SUGCT: variants seen among roughly 807,000 people sequenced by gnomAD.
SUGCT encodes succinyl-CoA:glutarate-CoA transferase.
A neutral mutation model predicts 55.0 loss-of-function variants in SUGCT; 41 were observed. That is an observed-to-expected ratio of 0.74 (90% CI 0.58 to 0.97). The LOEUF is 0.97. Among genes scored for constraint, SUGCT ranks in the 50% least tolerant of loss-of-function variants. The probability of loss-of-function intolerance (pLI) is 0.00; values close to 1 mark genes in which losing one functional copy is unlikely to be tolerated. For missense variants in SUGCT, 568 were observed against 547.8 expected (o/e 1.04, Z -0.37); for synonymous variants, 187 against 200.4 (o/e 0.93, Z 0.56).
chr7:40,609,171 A>T lies in SUGCT; in HGVS notation c.1089+112785A>T, dbSNP rs116888415. On this transcript the variant is annotated intron_variant, in intron 12 of 13. Coordinates refer to ENST00000335693, the MANE Select transcript of SUGCT (RefSeq NM_001193313.2). ...TAGTATCCTTATCTGTGAAACAATG[A>T]TAATGGTAGAGTGTACATGATCGGA... is the stretch of plus-strand genomic sequence containing the variant. Among the ~76,000 whole-genome samples the T allele has an allele frequency of 4.2e-4, 64 of 152,292 alleles. No individual in the cohort carries two copies. The East Asian group carries it at 0.011, about 26-fold the overall frequency.
At chr7:41,028,009 A>G in the SUGCT span, among the ~76,000 whole-genome samples, 1 of 152,302 alleles carries the variant, frequency 6.6e-6, no homozygotes, top group Admixed American at 6.5e-5. Context: ...GATTTTCTTC[A>G]TAGATTTTAA....
chr7:40,218,135 C>A (rs560911797), intron 6 of SUGCT, among the ~76,000 whole-genome samples: 22 of 152,248 alleles, frequency 1.4e-4, no homozygotes, highest in Admixed American at 2.6e-4. Flanking sequence ...ATCATTTGAA[C>A]CTGGGAGGCA....
chr7:40,470,664 G>GA (rs1373034894), intron 11 of SUGCT, among the ~76,000 whole-genome samples: 1 of 151,858 alleles, frequency 6.6e-6, no homozygotes, highest in Non-Finnish European at 1.5e-5. Context: ...AGCACTCACG[G>GA]AATAATTGCT....
the SUGCT span, among the ~76,000 whole-genome samples, chr7:40,975,569 G>A: frequency 6.6e-6 from 1 of 152,190 alleles, no homozygotes; most frequent in African/African-American, 2.4e-5. Flanking sequence ...TGATTCTTCA[G>A]TTCTGTGGCC....
At chr7:40,657,196 A>G (rs1584221514) in intron 12 of SUGCT, among the ~76,000 whole-genome samples, 1 of 152,158 alleles carries the variant, frequency 6.6e-6, no homozygotes, top group Non-Finnish European at 1.5e-5. Flanking sequence ...GAAAACAGTT[A>G]TATGTATATA....
At chr7:41,018,323 G>A in the SUGCT span, among the ~76,000 whole-genome samples, 1 of 152,170 alleles carries the variant, frequency 6.6e-6, no homozygotes, top group Non-Finnish European at 1.5e-5. Context: ...GCCAGCCTGA[G>A]ATCATGGTGC....
intron 13 of SUGCT, among the ~76,000 whole-genome samples, chr7:40,840,199 T>C (rs1469752715): frequency 6.6e-6 from 1 of 152,128 alleles, no homozygotes; most frequent in Non-Finnish European, 1.5e-5. Flanking sequence ...TTTGAGCCAC[T>C]TTGTGAACTC....
chr7:40,903,583 C>G, the SUGCT span, among the ~76,000 whole-genome samples: 32 of 152,244 alleles, frequency 2.1e-4, no homozygotes, highest in Non-Finnish European at 4.0e-4. Flanking sequence ...TGGTTATATT[C>G]TCCCAGTACC....
At chr7:40,391,360 GA>G (rs1259565905) in intron 9 of SUGCT, among the ~76,000 whole-genome samples, 6 of 152,064 alleles carry the variant, frequency 3.9e-5, no homozygotes, top group African/African-American at 1.2e-4. Context: ...TACAGAATGG[GA>G]GAAAATTTTT....
At chr7:40,311,937 C>G (rs1795178760) in intron 8 of SUGCT, among the ~76,000 whole-genome samples, 1 of 152,066 alleles carries the variant, frequency 6.6e-6, no homozygotes, top group African/African-American at 2.4e-5. Context: ...CTTGAAATAG[C>G]TCCTTATTTA....
the SUGCT span, among the ~76,000 whole-genome samples, chr7:41,033,802 TCTGAGGTGGCCCCATGTG>T: frequency 6.6e-6 from 1 of 151,976 alleles, no homozygotes; most frequent in Non-Finnish European, 1.5e-5. Flanking sequence ...CTATGATGGG[TCTGAGGTGGCCCCATGTG>T]CTGAGCTGGC....
At chr7:40,759,395 T>G (rs1034451306) in intron 13 of SUGCT, among the ~76,000 whole-genome samples, 7 of 152,346 alleles carry the variant, frequency 4.6e-5, no homozygotes, top group Admixed American at 2.0e-4. Context: ...TACTTGTCTA[T>G]ATATGGTATA....
At chr7:40,240,053 G>A (rs1789274896) in intron 7 of SUGCT, among the ~76,000 whole-genome samples, 1 of 152,082 alleles carries the variant, frequency 6.6e-6, no homozygotes, top group African/African-American at 2.4e-5. Flanking sequence ...TTTATTACAT[G>A]CAAATAAAAA....
At chr7:40,333,080 G>A (rs998245798) in intron 9 of SUGCT, among the ~76,000 whole-genome samples, 21 of 152,154 alleles carry the variant, frequency 1.4e-4, no homozygotes, top group African/African-American at 4.8e-4. Flanking sequence ...TTGGTGGCAA[G>A]TAAGTATCCT....
At chr7:40,988,138 G>A in the SUGCT span, among the ~76,000 whole-genome samples, 8 of 151,078 alleles carry the variant, frequency 5.3e-5, no homozygotes, top group South Asian at 2.1e-4. Context: ...GGGTTTATTC[G>A]TCTTTTGTAA....
intron 13 of SUGCT, among the ~76,000 whole-genome samples, chr7:40,768,312 C>A (rs1022435357): frequency 5.9e-5 from 9 of 152,128 alleles, no homozygotes; most frequent in Non-Finnish European, 1.3e-4. Context: ...CAGCAATCTG[C>A]AGGAAGCCTC....
intron 12 of SUGCT, among the ~76,000 whole-genome samples, chr7:40,576,669 A>T (rs1236264024): frequency 6.6e-6 from 1 of 152,190 alleles, no homozygotes; most frequent in Non-Finnish European, 1.5e-5. Context: ...TGTATAGGCA[A>T]CAGCTTGGCT....
intron 12 of SUGCT, among the ~76,000 whole-genome samples, chr7:40,629,497 G>T (rs1387572999): frequency 6.6e-6 from 1 of 152,122 alleles, no homozygotes; most frequent in African/African-American, 2.4e-5. Context: ...AATGTGTGTG[G>T]ATCTCAAATA....
At chr7:40,905,820 A>T in the SUGCT span, among the ~76,000 whole-genome samples, 5 of 151,886 alleles carry the variant, frequency 3.3e-5, no homozygotes, top group Non-Finnish European at 7.4e-5. Context: ...CTGGGCTCAA[A>T]TGATCTTCCT....
Sources: gnomAD v4.1 joint callset for allele counts (sites outside exome capture counted in the v4.1 genomes callset) on GRCh38, gnomAD v4.1.1 for gene constraint, MANE v1.5 for transcripts, NCBI Gene and HGNC (gene_info 2026-07-23, HGNC 2026-07-21) for gene names.